Variants in MGAT5 observed in about 807,000 individuals in gnomAD.
The protein encoded by MGAT5 is alpha-1,6-mannosylglycoprotein 6-beta-N-acetylglucosaminyltransferase A.
MGAT5 carries 30 observed loss-of-function variants against 94.3 expected under a neutral mutation model. The ratio of observed to expected loss-of-function variants is 0.32; its 90% CI spans 0.24 to 0.43. The LOEUF (loss-of-function observed/expected upper bound fraction) is 0.43. Ranked by LOEUF, MGAT5 falls within the 20% of genes least tolerant of loss-of-function variation. The probability of loss-of-function intolerance (pLI) is 1.00; values close to 1 mark genes in which losing one functional copy is unlikely to be tolerated. For synonymous variants in MGAT5, 310 were observed against 322.9 expected (o/e 0.96, Z 0.43); for missense variants, 691 against 905.5 (o/e 0.76, Z 3.04).
intron 1 of MGAT5, among the ~76,000 whole-genome samples, chr2:134,217,797 C>T (rs1680572682): frequency 6.6e-6 from 1 of 152,124 alleles, no homozygotes; most frequent in Non-Finnish European, 1.5e-5. Context: ...TTTAGTTCCA[C>T]CAGATGAGTC....
intron 1 of MGAT5, among the ~76,000 whole-genome samples, chr2:134,159,188 CGTGTGTGTGTGTGTGTGT>C (rs138643972): frequency 9.0e-5 from 13 of 144,010 alleles, no homozygotes; most frequent in African/African-American, 2.6e-4. Context: ...GGTCTAAATT[CGTGTGTGTGTGTGTGTGT>C]GTGTGTGTGT....
chr2:134,136,900 G>T (rs936083210), intron 1 of MGAT5, among the ~76,000 whole-genome samples: 1 of 152,168 alleles, frequency 6.6e-6, no homozygotes, highest in Non-Finnish European at 1.5e-5. Flanking sequence ...CCTGGTCAAA[G>T]AATTGAGCTC....
intron 1 of MGAT5, among the ~76,000 whole-genome samples, chr2:134,156,559 G>C (rs555108907): frequency 6.6e-6 from 1 of 152,268 alleles, no homozygotes; most frequent in South Asian, 2.1e-4. Context: ...CCAGTGGTTT[G>C]GTTGTAGCTA....
intron 1 of MGAT5, among the ~76,000 whole-genome samples, chr2:134,189,704 C>T (rs913754554): frequency 2.7e-5 from 4 of 149,466 alleles, no homozygotes; most frequent in African/African-American, 9.8e-5. Context: ...TGGGTTCAAG[C>T]GATTCTCCTG....
chr2:134,445,064 A>G (rs1362704971), intron 15 of MGAT5, among the ~76,000 whole-genome samples: 1 of 152,092 alleles, frequency 6.6e-6, no homozygotes, highest in Non-Finnish European at 1.5e-5. Context: ...TACCTCTTAA[A>G]GTTGTTTCTT....
intron 1 of MGAT5, chr2:134,127,301 T>C (rs1685886397): frequency 6.5e-6 from 1 of 154,676 alleles, no homozygotes; most frequent in Admixed American, 6.5e-5. Context: ...TGACTAAGAA[T>C]GTTAACATTC....
At chr2:134,170,893 CTGT>C (rs1324779736) in intron 1 of MGAT5, among the ~76,000 whole-genome samples, 2 of 148,798 alleles carry the variant, frequency 1.3e-5, no homozygotes, top group Admixed American at 6.7e-5. Context: ...GAATATTGCT[CTGT>C]CACCCAGGCT....
chr2:134,159,182 T>C (rs1413610048), intron 1 of MGAT5, among the ~76,000 whole-genome samples: 1 of 129,388 alleles, frequency 7.7e-6, no homozygotes, highest in Non-Finnish European at 1.6e-5. Flanking sequence ...AACACTGGTC[T>C]AAATTCGTGT....
At position 134,449,046 on chromosome 2, in the gene MGAT5, T is replaced by C; in HGVS notation, c.*199T>C. 1 of 596,766 alleles carries C rather than the reference T, an allele frequency of 1.7e-6. No individual in the cohort carries two copies. Among genetic ancestry groups the C allele is most frequent in the South Asian group, 2.0e-5 (1 of 49,916 alleles). The allele number at this position is 596,766 out of a possible 1,614,324, so 37.0% of individuals were successfully genotyped here. On this transcript the variant is annotated 3_prime_UTR_variant, in exon 16 of 16. Coordinates refer to ENST00000281923, the MANE Select transcript of MGAT5 (RefSeq NM_002410.5). Reference sequence around the variant, plus strand: ...TTCACCAAAACAAAACAAGAGCGTATGTCAGGCCAGGAGCCTGGCTTGTCC... The same window carrying C: ...TTCACCAAAACAAAACAAGAGCGTACGTCAGGCCAGGAGCCTGGCTTGTCC...
At chr2:134,192,304 G>A (rs568170902) in intron 1 of MGAT5, among the ~76,000 whole-genome samples, 118 of 152,174 alleles carry the variant, frequency 7.8e-4, no homozygotes, top group African/African-American at 2.6e-3. Flanking sequence ...CTCTTGCATC[G>A]TGGAGTGACT....
At chr2:134,130,023 G>A (rs991902446) in intron 1 of MGAT5, among the ~76,000 whole-genome samples, 3 of 152,142 alleles carry the variant, frequency 2.0e-5, no homozygotes, top group African/African-American at 2.4e-5. Context: ...CGCGGGCCCC[G>A]CACTCGGAGC....
chr2:134,138,382 A>C (rs1003028290), intron 1 of MGAT5, among the ~76,000 whole-genome samples: 1 of 152,340 alleles, frequency 6.6e-6, no homozygotes, highest in East Asian at 1.9e-4. Flanking sequence ...AATAAAGTCC[A>C]GAAGGTCTAA....
chr2:134,346,608 A>G (rs918775836), intron 8 of MGAT5, among the ~76,000 whole-genome samples: 1 of 152,178 alleles, frequency 6.6e-6, no homozygotes, highest in African/African-American at 2.4e-5. Flanking sequence ...CAGAAATTTA[A>G]TGGAATGTAT....
chr2:134,164,908 G>A (rs1367628058), intron 1 of MGAT5, among the ~76,000 whole-genome samples: 2 of 152,022 alleles, frequency 1.3e-5, no homozygotes, highest in African/African-American at 4.8e-5. Context: ...ACAAACGTGA[G>A]TATGGCCACA....
chr2:134,235,106 C>G (rs904034436), intron 1 of MGAT5, among the ~76,000 whole-genome samples: 5 of 152,112 alleles, frequency 3.3e-5, no homozygotes, highest in Admixed American at 2.6e-4. Flanking sequence ...GCTGTCTTAG[C>G]TCAAGTTGTC....
intron 1 of MGAT5, among the ~76,000 whole-genome samples, chr2:134,243,232 A>T (rs1682063310): frequency 6.6e-6 from 1 of 152,026 alleles, no homozygotes; most frequent in Non-Finnish European, 1.5e-5. Flanking sequence ...AGTAAATCAA[A>T]ATCTTTGGGT....
At chr2:134,308,864 A>T (rs532052398) in intron 2 of MGAT5, among the ~76,000 whole-genome samples, 1 of 152,310 alleles carries the variant, frequency 6.6e-6, no homozygotes, top group East Asian at 1.9e-4. Context: ...GCAAGACCTC[A>T]TCTCTACAAA....
chr2:134,215,414 G>A (rs1680439463), intron 1 of MGAT5, among the ~76,000 whole-genome samples: 1 of 152,140 alleles, frequency 6.6e-6, no homozygotes, highest in African/African-American at 2.4e-5. Context: ...TTCAAGACTG[G>A]GTGGCTACAT....
chr2:134,381,383 T>TA lies in MGAT5; in HGVS notation c.1380+18976dup, dbSNP rs770341583. Reference sequence around the variant, plus strand: ...GATAGATAGATAAGATAAGATAGATTAGATAGATAGATAGATAGATAGATA... The same window carrying TA: ...GATAGATAGATAAGATAAGATAGATTAAGATAGATAGATAGATAGATAGATA... On this transcript the variant is annotated intron_variant, in intron 10 of 15. Coordinates refer to ENST00000281923, the MANE Select transcript of MGAT5 (RefSeq NM_002410.5). Among the ~76,000 whole-genome samples the TA allele has an allele frequency of 9.2e-3, 611 of 66,626 alleles. 2 individuals carry two copies. Among genetic ancestry groups the TA allele is most frequent in the East Asian group, 0.018 (34 of 1,880 alleles). The allele number at this position is 66,626 out of a possible 152,430, so 43.7% of individuals were successfully genotyped here. A position where few individuals can be genotyped will look rare whatever the true frequency, so the allele number is the denominator to read the frequency against.
Sources: gnomAD v4.1 joint callset for allele counts (sites outside exome capture counted in the v4.1 genomes callset) on GRCh38, gnomAD v4.1.1 for gene constraint, MANE v1.5 for transcripts, NCBI Gene and HGNC (gene_info 2026-07-23, HGNC 2026-07-21) for gene names.